Variants in AGBL1 observed in about 807,000 individuals in gnomAD.
AGBL1 encodes the protein cytosolic carboxypeptidase 4.
AGBL1 carries 130 observed loss-of-function variants against 118.9 expected under a neutral mutation model. That is an observed-to-expected ratio of 1.09 (90% CI 0.95 to 1.26). The LOEUF is 1.26. Among genes scored for constraint, AGBL1 ranks in the 50% most tolerant of loss-of-function variants. AGBL1 has a pLI of 0.00. For synonymous variants in AGBL1, 555 were observed against 478.9 expected (o/e 1.16, Z -2.08); for missense variants, 1,584 against 1,298.1 (o/e 1.22, Z -3.38).
intron 22 of AGBL1, among the ~76,000 whole-genome samples, chr15:86,845,155 T>C (rs1031135432): frequency 7.2e-5 from 11 of 152,254 alleles, no homozygotes; most frequent in Non-Finnish European, 1.3e-4. Flanking sequence ...CATTTCAATG[T>C]ACATTTTAAA....
intron 18 of AGBL1, among the ~76,000 whole-genome samples, chr15:86,439,069 A>G (rs2082031828): frequency 6.6e-6 from 1 of 152,110 alleles, no homozygotes; most frequent in Admixed American, 6.5e-5. Context: ...TCAACCAGGT[A>G]GGGAATGCTG....
At chr15:87,006,929 G>A (rs2081511053) in intron 24 of AGBL1, among the ~76,000 whole-genome samples, 1 of 152,082 alleles carries the variant, frequency 6.6e-6, no homozygotes, top group African/African-American at 2.4e-5. Context: ...GTGAGACAGG[G>A]GGTTGAGCTT....
At chr15:86,416,754 C>T (rs879539355) in intron 18 of AGBL1, among the ~76,000 whole-genome samples, 9 of 152,070 alleles carry the variant, frequency 5.9e-5, no homozygotes, top group Non-Finnish European at 1.2e-4. Flanking sequence ...CATTGAATAA[C>T]ATAAAATAGA....
intron 19 of AGBL1, among the ~76,000 whole-genome samples, chr15:86,532,056 G>C (rs1312871517): frequency 6.6e-6 from 1 of 151,592 alleles, no homozygotes; most frequent in Non-Finnish European, 1.5e-5. Flanking sequence ...GCACAAGACA[G>C]GGATGCCCTC....
At chr15:86,272,597 T>A (rs2079179837) in intron 15 of AGBL1, among the ~76,000 whole-genome samples, 1 of 152,178 alleles carries the variant, frequency 6.6e-6, no homozygotes, top group African/African-American at 2.4e-5. Context: ...TATATACCCT[T>A]ATGCCTCTTG....
chr15:86,562,936 T>C (rs1224284834), intron 21 of AGBL1, among the ~76,000 whole-genome samples: 2 of 152,204 alleles, frequency 1.3e-5, no homozygotes, highest in Non-Finnish European at 2.9e-5. Context: ...TGTGTAGAGT[T>C]GTTTGTAGTA....
intron 5 of AGBL1, among the ~76,000 whole-genome samples, chr15:86,211,001 G>C (rs2078086566): frequency 6.6e-6 from 1 of 152,108 alleles, no homozygotes; most frequent in African/African-American, 2.4e-5. Flanking sequence ...ATAGGGTTTT[G>C]GTGTGGATGT....
intron 21 of AGBL1, among the ~76,000 whole-genome samples, chr15:86,651,973 T>C (rs939338250): frequency 2.6e-4 from 39 of 152,162 alleles, no homozygotes; most frequent in Admixed American, 5.2e-4. Flanking sequence ...CTGGGGAGTT[T>C]TTGCTTGTTT....
At chr15:86,274,195 A>C (rs1297198818) in intron 15 of AGBL1, among the ~76,000 whole-genome samples, 2 of 152,206 alleles carry the variant, frequency 1.3e-5, no homozygotes, top group Admixed American at 6.5e-5. Flanking sequence ...TCTTTATGCT[A>C]TTTATAGCTT....
intron 24 of AGBL1, among the ~76,000 whole-genome samples, chr15:87,021,171 G>T (rs1443179096): frequency 6.6e-6 from 1 of 152,122 alleles, no homozygotes; most frequent in Non-Finnish European, 1.5e-5. Context: ...CAGTGGAACA[G>T]AGTAGAGAAC....
intron 24 of AGBL1, among the ~76,000 whole-genome samples, chr15:87,021,563 AC>A (rs2081665046): frequency 6.6e-6 from 1 of 152,190 alleles, no homozygotes; most frequent in African/African-American, 2.4e-5. Flanking sequence ...CAGACAACCT[AC>A]AAAATAGGAG....
chr15:86,395,227 C>G (rs1167579362), intron 17 of AGBL1, among the ~76,000 whole-genome samples: 3 of 152,042 alleles, frequency 2.0e-5, no homozygotes, highest in African/African-American at 7.2e-5. Context: ...AATTTATGTT[C>G]CATCATCTCT....
intron 1 of AGBL1, among the ~76,000 whole-genome samples, chr15:86,089,124 G>A (rs1895859419): frequency 6.6e-6 from 1 of 152,168 alleles, no homozygotes; most frequent in Non-Finnish European, 1.5e-5. Flanking sequence ...TATTTCATAG[G>A]ACATTAGGGA....
At chr15:86,591,856 T>C (rs929764205) in intron 21 of AGBL1, among the ~76,000 whole-genome samples, 1 of 152,168 alleles carries the variant, frequency 6.6e-6, no homozygotes, top group Non-Finnish European at 1.5e-5. Flanking sequence ...CCCCTAATTG[T>C]ATCTTGGTCT....
chr15:86,182,745 T>C, intron 5 of AGBL1, among the ~76,000 whole-genome samples: 1 of 152,182 alleles, frequency 6.6e-6, no homozygotes, highest in East Asian at 1.9e-4. Context: ...CATTGGATTA[T>C]GCTGGAGTTT....
intron 3 of AGBL1, among the ~76,000 whole-genome samples, chr15:86,147,165 A>G (rs543368882): frequency 6.6e-6 from 1 of 152,322 alleles, no homozygotes; most frequent in African/African-American, 2.4e-5. Context: ...CCCAATAGGA[A>G]CAGCTCCGGT....
At chr15:86,631,762 C>T (rs970361079) in intron 21 of AGBL1, among the ~76,000 whole-genome samples, 1 of 152,138 alleles carries the variant, frequency 6.6e-6, no homozygotes, top group Admixed American at 6.5e-5. Flanking sequence ...CATAGCCAAC[C>T]CCAGGTCCTG....
At chr15:86,286,206 A>G (rs1647872080) in intron 16 of AGBL1, among the ~76,000 whole-genome samples, 1 of 151,864 alleles carries the variant, frequency 6.6e-6, no homozygotes, top group South Asian at 2.1e-4. Context: ...GCTTATATTT[A>G]TAGGGTACAA....
At chr15:86,518,616 G>A (rs2142192884) in intron 18 of AGBL1, among the ~76,000 whole-genome samples, 1 of 152,176 alleles carries the variant, frequency 6.6e-6, no homozygotes, top group South Asian at 2.1e-4. Flanking sequence ...TCCAGACATT[G>A]GCTGCAAATG....
Sources: allele counts gnomAD v4.1 joint callset (sites outside exome capture counted in the v4.1 genomes callset), GRCh38; gene constraint gnomAD v4.1.1; transcripts MANE v1.5; gene names NCBI Gene and HGNC (gene_info 2026-07-23, HGNC 2026-07-21).